The following CEP290 variants were observed in gnomAD, a reference collection of about 807,000 sequenced individuals.
CEP290 encodes centrosomal protein of 290 kDa.
A neutral mutation model predicts 344.9 loss-of-function variants in CEP290; 317 were observed. That is an observed-to-expected ratio of 0.92 (90% CI 0.84 to 1.01). The LOEUF (loss-of-function observed/expected upper bound fraction) is 1.01, where lower values mean the gene tolerates loss of function less well. Ranked by LOEUF, CEP290 falls within the 50% of genes least tolerant of loss-of-function variation. The probability of loss-of-function intolerance (pLI) is 0.00; values close to 1 mark genes in which losing one functional copy is unlikely to be tolerated. For missense variants in CEP290, 2,754 were observed against 2,761.4 expected, an observed-to-expected ratio of 1.00 and a Z score of 0.06; for synonymous variants, 932 against 895.8, an observed-to-expected ratio of 1.04 and a Z score of -0.72.
intron 13 of CEP290, among the ~76,000 whole-genome samples, chr12:88,122,688 C>T (rs1429096600): frequency 6.6e-6 from 1 of 152,096 alleles, no homozygotes; most frequent in African/African-American, 2.4e-5. Context: ...CACTTTTTCT[C>T]CTAGTAATTA....
intron 23 of CEP290, among the ~76,000 whole-genome samples, chr12:88,108,217 G>A (rs929190177): frequency 7.2e-5 from 11 of 151,996 alleles, no homozygotes; most frequent in Admixed American, 3.3e-4. Flanking sequence ...CCAGTATAGC[G>A]GTATCATTCT....
intron 5 of CEP290, among the ~76,000 whole-genome samples, chr12:88,137,978 T>C (rs1412664444): frequency 1.3e-5 from 2 of 152,216 alleles, no homozygotes; most frequent in Non-Finnish European, 2.9e-5. Context: ...AATTTAAGCA[T>C]GTGGCCCACA....
At chr12:88,125,456 C>G (rs1565907538) in intron 12 of CEP290, 87 bp from the exon 13 acceptor site, 2 of 591,784 alleles carry the variant, frequency 3.4e-6, no homozygotes, top group Non-Finnish European at 2.5e-6. Flanking sequence ...TTTTTTTCAA[C>G]AAGACTGTAG....
intron 11 of CEP290, among the ~76,000 whole-genome samples, chr12:88,127,401 C>T (rs371425450): frequency 5.3e-4 from 80 of 152,096 alleles, no homozygotes; most frequent in African/African-American, 1.9e-3. Flanking sequence ...GGCACAAGAA[C>T]CACCTGAACC....
chr12:88,139,810 C>T (rs2040544203), intron 3 of CEP290, among the ~76,000 whole-genome samples: 1 of 152,210 alleles, frequency 6.6e-6, no homozygotes, highest in African/African-American at 2.4e-5. Flanking sequence ...TCACTGCAAC[C>T]TCCTGCCTCC....
At chr12:88,111,079 GC>G in intron 22 of CEP290, 122 bp downstream of exon 22, 1 of 520,082 alleles carries the variant, frequency 1.9e-6, no homozygotes, top group Non-Finnish European at 3.1e-6. Flanking sequence ...CTATCTGCAT[GC>G]TTTGGTGATG....
At chr12:88,131,336 T>C in intron 6 of CEP290, 118 bp from the exon 7 acceptor site, 1 of 639,526 alleles carries the variant, frequency 1.6e-6, no homozygotes, top group Non-Finnish European at 2.5e-6. Flanking sequence ...CGATCTCGGC[T>C]CACTGCAACC....
At position 88,077,257 on chromosome 12, in the gene CEP290, C is replaced by T; in HGVS notation, c.5674G>A (p.Val1892Met). Residue 1892 changes from valine (V) to methionine (M), a missense_variant, in exon 41 of 54, where the codon GTG becomes ATG. Val to Met is a conservative substitution (Grantham distance 21). Coordinates refer to ENST00000552810, the MANE Select transcript of CEP290 (RefSeq NM_025114.4). ...KKLENQLEGK[V>M]EEVDLKPMKE... ...ATAGGTTTTAGGTCTACTTCCTCCACCTTTCCCTCTAATTGGTTCTCTAGT... is the reference window on the plus strand; with the variant it reads ...ATAGGTTTTAGGTCTACTTCCTCCATCTTTCCCTCTAATTGGTTCTCTAGT... 1.2e-6 allele frequency: 2 copies of T among 1,605,552 alleles called. No individual in the cohort carries two copies. Among genetic ancestry groups the T allele is most frequent in the Non-Finnish European group, 1.7e-6 (2 of 1,176,924 alleles).
chr12:88,137,579 T>A (rs1018411423), intron 5 of CEP290, among the ~76,000 whole-genome samples: 5 of 152,164 alleles, frequency 3.3e-5, no homozygotes, highest in Admixed American at 1.3e-4. Flanking sequence ...TTACTCTTTC[T>A]CTCCTCCAAA....
intron 17 of CEP290, 57 bp downstream of exon 17, chr12:88,118,426 T>G: frequency 7.5e-7 from 1 of 1,324,708 alleles, no homozygotes; most frequent in Non-Finnish European, 1.0e-6. Context: ...TAATTTCATA[T>G]CCAGACAACT....
At chr12:88,093,362 T>C (rs1315636462) in intron 28 of CEP290, among the ~76,000 whole-genome samples, 1 of 152,054 alleles carries the variant, frequency 6.6e-6, no homozygotes, top group Non-Finnish European at 1.5e-5. Flanking sequence ...ACATCAAAAA[T>C]ATATAAAACC....
rs2040216541 is a variant in CEP290 at position 88,133,898 on chromosome 12, G to GT, written c.442-2681dup. 3.3e-5 allele frequency among the ~76,000 whole-genome samples: 5 copies of GT among 152,184 alleles called. No individual in the cohort carries two copies. The South Asian group carries it at 1.0e-3, about 32-fold the overall frequency. On this transcript the variant is annotated intron_variant, in intron 6 of 53. Coordinates refer to ENST00000552810, the MANE Select transcript of CEP290 (RefSeq NM_025114.4). The stretch of plus-strand genomic sequence containing the variant: ...TGCTAAAGCATTTAATGCTATTAAT[G>GT]TTTTTTTCCCTTGTCTTCTCAAACA...
intron 20 of CEP290, 124 bp from the exon 21 acceptor site, chr12:88,111,982 A>G: frequency 3.3e-6 from 2 of 611,882 alleles, no homozygotes; most frequent in South Asian, 3.6e-5. Flanking sequence ...CAAGCATGAT[A>G]ATAAAGTATG....
Position 88,050,339 on chromosome 12 carries a change from ATAAT to A in CEP290, c.7209+11_7209+14del, listed in dbSNP as rs750259100. The stretch of plus-strand genomic sequence containing the variant: ...TGTTTTCACAAAACGATACTAAAAT[ATAAT>A]TAAATATTACCTTCAAATGCTGCTT... On this transcript the variant is annotated intron_variant, in intron 53 of 53. Coordinates refer to ENST00000552810, the MANE Select transcript of CEP290 (RefSeq NM_025114.4). 1.5e-5 allele frequency: 20 copies of A among 1,301,106 alleles called. No homozygotes were observed. The highest frequency in any genetic ancestry group is 2.0e-5 in the Non-Finnish European group (18 of 915,992). 80.6% of individuals were successfully genotyped at this position (1,301,106 alleles called of 1,614,324 possible).
At position 88,092,643 on chromosome 12, in the gene CEP290, C is replaced by A. The variant is rs756213992; in HGVS notation, c.3461+38G>T. On this transcript the variant is annotated intron_variant, in intron 29 of 53. Transcript: ENST00000552810. ...TCTTAAAGACAAATTAAAGAAGATA[C>A]ATCTAGTCAAATGGCTAAAATGCTT... 11 of 1,562,522 alleles carry A rather than the reference C, an allele frequency of 7.0e-6. No individual in the cohort carries two copies. The South Asian group carries it at 1.2e-4, about 17-fold the overall frequency.
chr12:88,139,642 T>C (rs979715407), intron 3 of CEP290, 78 bp from the exon 4 acceptor site: 48 of 1,118,516 alleles, frequency 4.3e-5, no homozygotes, highest in Non-Finnish European at 5.6e-5. Context: ...TCTGTTTTAT[T>C]TGTTATGATC....
chr12:88,097,154 A>G lies in CEP290; in HGVS notation c.2992-155T>C, dbSNP rs1277983829. ...TCCTCCATATATAATACATGTATGC[A>G]TACAAACACATACATATATATATAA... On this transcript the variant is annotated intron_variant, in intron 26 of 53. Coordinates refer to ENST00000552810, the MANE Select transcript of CEP290 (RefSeq NM_025114.4). Among the ~76,000 whole-genome samples the G allele has an allele frequency of 5.3e-5, 8 of 152,126 alleles. No homozygotes were observed. The East Asian group carries it at 1.5e-3, about 29-fold the overall frequency.
intron 20 of CEP290, among the ~76,000 whole-genome samples, chr12:88,112,701 C>T (rs1354803342): frequency 6.6e-6 from 1 of 152,076 alleles, no homozygotes; most frequent in Non-Finnish European, 1.5e-5. Context: ...ATCTCCTACT[C>T]AGGAAGGTGA....
At chr12:88,117,535 TA>T (rs1451470443) in intron 17 of CEP290, among the ~76,000 whole-genome samples, 1 of 152,172 alleles carries the variant, frequency 6.6e-6, no homozygotes, top group African/African-American at 2.4e-5. Flanking sequence ...ATCATAATGC[TA>T]AAAAGAACCA....
Sources: gnomAD v4.1 joint callset for allele counts (sites outside exome capture counted in the v4.1 genomes callset) on GRCh38, gnomAD v4.1.1 for gene constraint, MANE v1.5 for transcripts, NCBI Gene and HGNC (gene_info 2026-07-23, HGNC 2026-07-21) for gene names.